The following SORCS3 variants were observed in gnomAD, a reference collection of about 807,000 sequenced individuals.
SORCS3 encodes sortilin related VPS10 domain containing receptor 3.
In SORCS3, 57 loss-of-function variants were observed where a neutral mutation model predicts 146.3. The observed-to-expected ratio is 0.39, with a 90% CI of 0.31 to 0.49. The LOEUF (loss-of-function observed/expected upper bound fraction) is 0.49. SORCS3 is among the 20% of genes least tolerant of loss of function. The pLI, the probability that SORCS3 is intolerant of heterozygous loss-of-function variation, is 0.92. For missense variants in SORCS3, 1,341 were observed against 1,575.5 expected (o/e 0.85, Z 2.52); for synonymous variants, 653 against 618.5 (o/e 1.06, Z -0.83).
intron 1 of SORCS3, among the ~76,000 whole-genome samples, chr10:104,731,884 G>T (rs1266769816): frequency 6.6e-6 from 1 of 152,204 alleles, no homozygotes; most frequent in Non-Finnish European, 1.5e-5. Flanking sequence ...TCATGGTGGT[G>T]ACATTGATCC....
chr10:104,974,394 G>A (rs139159350), intron 3 of SORCS3, among the ~76,000 whole-genome samples: 9,000 of 152,054 alleles, frequency 0.059, 263 homozygotes, highest in African/African-American at 0.074. Context: ...TTGGGTGCAT[G>A]TATATTTAGG....
Position 105,167,298 on chromosome 10 carries a change from G to C in SORCS3, c.1850G>C (p.Gly617Ala). The change falls in exon 13 of 27, where the codon GGT (glycine) becomes GCT (alanine). Residue 617 changes from glycine (G) to alanine (A), a missense_variant. By Grantham distance (60) the Gly-to-Ala change is moderately conservative (BLOSUM62 0). Transcript: ENST00000369701. ...EEYNVWFLDW[G>A]GALVAMKHTP... ...TACAATGTCTGGTTCCTAGACTGGGGTGGTGCCCTCGTGGCCATGAAACAC... is the reference window on the plus strand; with the variant it reads ...TACAATGTCTGGTTCCTAGACTGGGCTGGTGCCCTCGTGGCCATGAAACAC... 6.2e-7 allele frequency: 1 copy of C among 1,613,486 alleles called. No homozygotes were observed. The highest frequency in any genetic ancestry group is 8.5e-7 in the Non-Finnish European group (1 of 1,179,568).
At chr10:104,644,557 G>A (rs1402215946) in intron 1 of SORCS3, among the ~76,000 whole-genome samples, 1 of 152,224 alleles carries the variant, frequency 6.6e-6, no homozygotes, top group Non-Finnish European at 1.5e-5. Context: ...ATAAAAGCCA[G>A]GGTGAAGAGT....
At chr10:104,913,511 C>T (rs1173926488) in intron 2 of SORCS3, among the ~76,000 whole-genome samples, 2 of 152,092 alleles carry the variant, frequency 1.3e-5, no homozygotes, top group African/African-American at 2.4e-5. Context: ...AACTCATGAC[C>T]ATGTGGAGCC....
intron 1 of SORCS3, among the ~76,000 whole-genome samples, chr10:104,776,871 C>G (rs918733820): frequency 7.0e-6 from 1 of 142,320 alleles, no homozygotes; most frequent in Non-Finnish European, 1.5e-5. Context: ...TATTCAGCAG[C>G]AGGGAAAAAA....
intron 5 of SORCS3, among the ~76,000 whole-genome samples, chr10:105,052,195 G>T (rs915773758): frequency 1.0e-3 from 152 of 152,132 alleles, no homozygotes; most frequent in Admixed American, 5.9e-4. Flanking sequence ...AGTCATGTTT[G>T]GTCCTGCCTT....
At chr10:104,857,691 G>T (rs562211195) in intron 2 of SORCS3, among the ~76,000 whole-genome samples, 1 of 152,040 alleles carries the variant, frequency 6.6e-6, no homozygotes, top group East Asian at 1.9e-4. Context: ...CAACATTGGG[G>T]TTAGATGTGC....
intron 1 of SORCS3, among the ~76,000 whole-genome samples, chr10:104,698,691 A>G (rs1449792881): frequency 1.3e-5 from 2 of 152,188 alleles, no homozygotes; most frequent in African/African-American, 4.8e-5. Context: ...TCTAGGCTGG[A>G]CATAGAGAAG....
intron 1 of SORCS3, among the ~76,000 whole-genome samples, chr10:104,760,929 G>GT (rs796640464): frequency 3.7e-4 from 54 of 144,200 alleles, no homozygotes; most frequent in African/African-American, 1.4e-3. Context: ...TTCTCCATTT[G>GT]TTTTATCGAA....
intron 1 of SORCS3, among the ~76,000 whole-genome samples, chr10:104,675,134 T>A (rs2015899100): frequency 6.6e-6 from 1 of 152,250 alleles, no homozygotes; most frequent in African/African-American, 2.4e-5. Flanking sequence ...TAATTTTTTT[T>A]AACGTTTTTC....
At chr10:104,680,607 A>G (rs1474633509) in intron 1 of SORCS3, among the ~76,000 whole-genome samples, 1 of 152,192 alleles carries the variant, frequency 6.6e-6, no homozygotes, top group African/African-American at 2.4e-5. Flanking sequence ...TAAAATGGGG[A>G]TAATTCATAG....
chr10:105,180,349 T>G (rs1425608113), intron 14 of SORCS3, among the ~76,000 whole-genome samples: 1 of 152,212 alleles, frequency 6.6e-6, no homozygotes, highest in African/African-American at 2.4e-5. Flanking sequence ...GCATAGATTT[T>G]TAACAGTTTT....
chr10:104,761,807 T>C (rs1432923545), intron 1 of SORCS3, among the ~76,000 whole-genome samples: 2 of 152,170 alleles, frequency 1.3e-5, no homozygotes, highest in African/African-American at 4.8e-5. Context: ...GTTGACATGA[T>C]ACAAAGTCAG....
intron 7 of SORCS3, among the ~76,000 whole-genome samples, chr10:105,111,229 G>C (rs1309617950): frequency 6.6e-6 from 1 of 152,086 alleles, no homozygotes; most frequent in Non-Finnish European, 1.5e-5. Context: ...TTAAATTTAG[G>C]ACAGACAGCA....
Position 105,258,765 on chromosome 10 carries a change from C to T in SORCS3, c.3443+1841C>T, listed in dbSNP as rs1277872095. Among the ~76,000 whole-genome samples, 3 of 152,088 alleles carry T rather than the reference C, an allele frequency of 2.0e-5. No individual in the cohort carries two copies. In the East Asian group the frequency reaches 5.8e-4, roughly 29 times the overall value. On this transcript the variant is annotated intron_variant, in intron 25 of 26. Transcript: ENST00000369701. ...GTAATGACATCTCTAAAAAATTCTA[C>T]CTTTGTAGTTCCCAGGTATCAGCCC...
chr10:104,943,927 C>T (rs775948697), intron 3 of SORCS3, among the ~76,000 whole-genome samples: 1 of 152,016 alleles, frequency 6.6e-6, no homozygotes. Context: ...GAGTTTTTTG[C>T]TTTTCTTTTG....
intron 5 of SORCS3, among the ~76,000 whole-genome samples, chr10:105,061,662 A>G (rs1024807256): frequency 2.0e-5 from 3 of 151,854 alleles, no homozygotes; most frequent in Non-Finnish European, 4.4e-5. Flanking sequence ...CAAAAAAAAA[A>G]AAAAAAAGTT....
intron 1 of SORCS3, among the ~76,000 whole-genome samples, chr10:104,716,243 A>T (rs939397672): frequency 6.6e-6 from 1 of 152,180 alleles, no homozygotes; most frequent in Non-Finnish European, 1.5e-5. Context: ...AATATAAGAT[A>T]CACGAGGACA....
chr10:104,868,275 A>G (rs2018481013), intron 2 of SORCS3, among the ~76,000 whole-genome samples: 1 of 152,212 alleles, frequency 6.6e-6, no homozygotes, highest in Non-Finnish European at 1.5e-5. Flanking sequence ...CATCAACAAT[A>G]TTAACACATC....
Sources: allele counts gnomAD v4.1 joint callset (sites outside exome capture counted in the v4.1 genomes callset), GRCh38; gene constraint gnomAD v4.1.1; transcripts MANE v1.5; gene names NCBI Gene and HGNC (gene_info 2026-07-23, HGNC 2026-07-21).